The following TRERF1 variants were observed in gnomAD, a reference collection of about 807,000 sequenced individuals.
TRERF1 encodes transcriptional-regulating factor 1.
TRERF1 carries 27 observed loss-of-function variants against 122.9 expected under a neutral mutation model. That is an observed-to-expected ratio of 0.22 (90% confidence interval 0.16 to 0.30). The LOEUF (loss-of-function observed/expected upper bound fraction) is 0.30, where lower values mean the gene tolerates loss of function less well. Ranked by LOEUF, TRERF1 falls within the 10% of genes least tolerant of loss-of-function variation. The pLI is 1.00. For synonymous variants in TRERF1, 636 were observed against 641.7 expected, an observed-to-expected ratio of 0.99 and a Z score of 0.13; for missense variants, 1,248 against 1,560.3, an observed-to-expected ratio of 0.80 and a Z score of 3.37.
chr6:42,298,215 G>T (rs1171408399), intron 4 of TRERF1, among the ~76,000 whole-genome samples: 8 of 151,894 alleles, frequency 5.3e-5, no homozygotes, highest in African/African-American at 1.9e-4. Flanking sequence ...GAGTGCAGTG[G>T]TATGGTCTCA....
intron 2 of TRERF1, among the ~76,000 whole-genome samples, chr6:42,373,682 T>A (rs1479504341): frequency 1.3e-5 from 2 of 150,974 alleles, no homozygotes; most frequent in Non-Finnish European, 1.5e-5. Flanking sequence ...ACAAAAAAAA[T>A]TAGCCAGGCG....
rs556655585 is a variant in TRERF1, at chr6:42,370,135, G to C, written c.-453-7056C>G. Among the ~76,000 whole-genome samples, 10 of 150,554 alleles carry C rather than the reference G, an allele frequency of 6.6e-5. No individual in the cohort carries two copies. In the South Asian group the frequency reaches 1.2e-3, roughly 19 times the overall value. ...GGGTAAAGGATGGATGCAGGGGAAG[G>C]GGGGGTCTCTTTATACCCTACCATT... On this transcript the variant is annotated intron_variant, in intron 2 of 17. Coordinates refer to ENST00000372922, the Ensembl canonical transcript of TRERF1.
intron 2 of TRERF1, among the ~76,000 whole-genome samples, chr6:42,402,960 C>T (rs1281992746): frequency 1.4e-5 from 2 of 144,308 alleles, no homozygotes; most frequent in Admixed American, 6.7e-5. Flanking sequence ...GAAGGTGAGG[C>T]TCTCAGCCAC....
At chr6:42,342,928 G>A (rs1767567416) in intron 3 of TRERF1, among the ~76,000 whole-genome samples, 1 of 152,190 alleles carries the variant, frequency 6.6e-6, no homozygotes, top group South Asian at 2.1e-4. Context: ...AAGTTGGCAT[G>A]CCATCCTAAT....
chr6:42,392,384 A>G (rs1777892825), intron 2 of TRERF1, among the ~76,000 whole-genome samples: 1 of 152,238 alleles, frequency 6.6e-6, no homozygotes, highest in Admixed American at 6.5e-5. Flanking sequence ...GAAAATGATC[A>G]TAAGAGCATT....
intron 2 of TRERF1, among the ~76,000 whole-genome samples, chr6:42,411,514 G>A (rs931061603): frequency 2.6e-5 from 4 of 152,180 alleles, no homozygotes; most frequent in African/African-American, 9.7e-5. Context: ...ACTCAGAGAA[G>A]GAAACGGGAC....
At chr6:42,431,508 C>G (rs1784500845) in intron 2 of TRERF1, among the ~76,000 whole-genome samples, 1 of 152,206 alleles carries the variant, frequency 6.6e-6, no homozygotes, top group Non-Finnish European at 1.5e-5. Flanking sequence ...TTAATCCTTT[C>G]ATTCCCTACT....
intron 3 of TRERF1, among the ~76,000 whole-genome samples, chr6:42,326,361 C>G (rs1478594310): frequency 2.0e-5 from 3 of 152,190 alleles, no homozygotes; most frequent in Non-Finnish European, 2.9e-5. Flanking sequence ...ACGCCCGTCT[C>G]TCTTGGAAAG....
At chr6:42,409,324 T>C (rs1320349404) in intron 2 of TRERF1, among the ~76,000 whole-genome samples, 2 of 152,198 alleles carry the variant, frequency 1.3e-5, no homozygotes, top group Non-Finnish European at 2.9e-5. Context: ...ATCTATTTAT[T>C]GTACTGATCT....
intron 2 of TRERF1, among the ~76,000 whole-genome samples, chr6:42,363,570 G>A (rs1230603297): frequency 1.3e-5 from 2 of 152,084 alleles, no homozygotes; most frequent in African/African-American, 4.8e-5. Flanking sequence ...AGATTCCTAT[G>A]TTGACATCCT....
intron 2 of TRERF1, among the ~76,000 whole-genome samples, chr6:42,376,536 C>CTTTTTTTTTTTT: frequency 1.0e-5 from 1 of 96,304 alleles, no homozygotes; most frequent in Non-Finnish European, 1.9e-5. Flanking sequence ...TCGTCTAATT[C>CTTTTTTTTTTTT]TTTTTTTTTT....
intron 4 of TRERF1, among the ~76,000 whole-genome samples, chr6:42,272,456 T>C (rs529198449): frequency 2.0e-5 from 3 of 152,284 alleles, no homozygotes; most frequent in South Asian, 4.1e-4. Context: ...ACCTCGCTGC[T>C]CAAAGGGTGG....
chr6:42,417,440 C>T (rs1434682302), intron 2 of TRERF1, among the ~76,000 whole-genome samples: 1 of 152,184 alleles, frequency 6.6e-6, no homozygotes, highest in African/African-American at 2.4e-5. Flanking sequence ...TGTTATACAC[C>T]GGTCCTGCCC....
At chr6:42,412,119 GCCTCCCAAGTAGCTGGGAT>G (rs1330743536) in intron 2 of TRERF1, among the ~76,000 whole-genome samples, 2 of 149,482 alleles carry the variant, frequency 1.3e-5, no homozygotes, top group Non-Finnish European at 3.0e-5. Context: ...TCCTGCCTCA[GCCTCCCAAGTAGCTGGGAT>G]TACAGGCATG....
chr6:42,232,607 C>A lies in TRERF1; in HGVS notation c.3278+74G>T. On this transcript the variant is annotated intron_variant, in intron 17 of 17. Coordinates refer to ENST00000372922, the Ensembl canonical transcript of TRERF1. The surrounding 1 kb of genome is among the most constrained non-coding windows in gnomAD (Gnocchi z 4.5). ...TTTTTCTGATTGAAGAAACCTCAGG[C>A]CATCCTGGCCCAGCTCCCATAGAGC... 1.4e-6 allele frequency: 2 copies of A among 1,467,614 alleles called. No individual in the cohort carries two copies. Among genetic ancestry groups the A allele is most frequent in the Non-Finnish European group, 1.8e-6 (2 of 1,104,710 alleles). The allele number at this position is 1,467,614 out of a possible 1,614,324, so 90.9% of individuals were successfully genotyped here.
At chr6:42,265,552 C>T (rs1778987848) in intron 6 of TRERF1, among the ~76,000 whole-genome samples, 199 bp downstream of exon 6, 1 of 152,196 alleles carries the variant, frequency 6.6e-6, no homozygotes, top group South Asian at 2.1e-4. Context: ...ATCGTAATCA[C>T]ACCCACCCTC....
chr6:42,297,231 T>C (rs1785265804), intron 4 of TRERF1, among the ~76,000 whole-genome samples: 1 of 152,216 alleles, frequency 6.6e-6, no homozygotes, highest in Non-Finnish European at 1.5e-5. Context: ...GCAGACCGGA[T>C]ACCTTACTTG....
chr6:42,318,677 T>G (rs961138092), intron 3 of TRERF1, among the ~76,000 whole-genome samples: 1 of 152,232 alleles, frequency 6.6e-6, no homozygotes, highest in African/African-American at 2.4e-5. Flanking sequence ...AAAGCTTTAT[T>G]AGAACATAGC....
chr6:42,246,778 T>C (rs1406138586), intron 13 of TRERF1, among the ~76,000 whole-genome samples: 1 of 152,224 alleles, frequency 6.6e-6, no homozygotes, highest in African/African-American at 2.4e-5. Flanking sequence ...GCCTGTTTTG[T>C]TACCTACAAA....
Sources: gnomAD v4.1 joint callset for allele counts (sites outside exome capture counted in the v4.1 genomes callset) on GRCh38, gnomAD v4.1.1 for gene constraint, Gnocchi (gnomAD v3.1) non-coding constraint, MANE v1.5 for transcripts, NCBI Gene and HGNC (gene_info 2026-07-23, HGNC 2026-07-21) for gene names.